The following CPNE4 variants were observed in gnomAD, a reference collection of about 807,000 sequenced individuals.
CPNE4 encodes copine-4.
In CPNE4, 25 loss-of-function variants were observed where a neutral mutation model predicts 67.9. The ratio of observed to expected loss-of-function variants is 0.37; its 90% CI spans 0.27 to 0.51. The LOEUF (loss-of-function observed/expected upper bound fraction) is 0.51. Ranked by LOEUF, CPNE4 falls within the 20% of genes least tolerant of loss-of-function variation. The pLI is 0.93. For missense variants in CPNE4, 464 were observed against 690.8 expected (o/e 0.67, Z 3.68); for synonymous variants, 242 against 244.9 (o/e 0.99, Z 0.11).
intron 2 of CPNE4, among the ~76,000 whole-genome samples, chr3:131,898,782 A>G (rs1226029650): frequency 6.6e-6 from 1 of 152,074 alleles, no homozygotes; most frequent in Admixed American, 6.6e-5. Context: ...TTTCTTTTAT[A>G]TTCAATACTC....
At chr3:132,024,708 G>A (rs539263824) in intron 1 of CPNE4, among the ~76,000 whole-genome samples, 1 of 152,128 alleles carries the variant, frequency 6.6e-6, no homozygotes, top group African/African-American at 2.4e-5. Context: ...CACATTACAT[G>A]ATACATGATA....
intron 2 of CPNE4, among the ~76,000 whole-genome samples, chr3:131,780,449 T>C (rs937423728): frequency 1.3e-5 from 2 of 152,092 alleles, no homozygotes; most frequent in African/African-American, 2.4e-5. Context: ...AGTGGTGGAC[T>C]GGGTAAAGAA....
chr3:131,939,235 T>C (rs544917667), intron 1 of CPNE4, among the ~76,000 whole-genome samples: 4 of 152,194 alleles, frequency 2.6e-5, no homozygotes, highest in African/African-American at 7.2e-5. Flanking sequence ...AATAAGGTAA[T>C]AGTATATCCA....
intron 3 of CPNE4, among the ~76,000 whole-genome samples, chr3:131,701,191 T>C (rs984670292): frequency 3.3e-5 from 5 of 151,680 alleles, no homozygotes; most frequent in African/African-American, 1.2e-4. Flanking sequence ...CATGTATACA[T>C]ATGTAACCAA....
intron 1 of CPNE4, among the ~76,000 whole-genome samples, chr3:132,027,492 C>A (rs537831952): frequency 7.5e-6 from 1 of 132,624 alleles, no homozygotes; most frequent in Non-Finnish European, 1.6e-5. Context: ...ACTATTTCCA[C>A]TCTTTTCCTC....
chr3:131,750,145 T>C (rs2082589514), intron 2 of CPNE4, among the ~76,000 whole-genome samples: 1 of 152,196 alleles, frequency 6.6e-6, no homozygotes, highest in South Asian at 2.1e-4. Context: ...TATATGAATT[T>C]GGAAATTAAA....
intron 3 of CPNE4, among the ~76,000 whole-genome samples, chr3:131,708,042 C>T (rs2081456987): frequency 6.6e-6 from 1 of 151,836 alleles, no homozygotes. Context: ...CTTTTCTCTC[C>T]CATTCAATAA....
intron 2 of CPNE4, among the ~76,000 whole-genome samples, chr3:131,745,467 C>T (rs1327847789): frequency 4.6e-5 from 7 of 152,076 alleles, no homozygotes; most frequent in Admixed American, 1.3e-4. Flanking sequence ...TTATGCTGCA[C>T]GTGTCAAGTC....
intron 2 of CPNE4, among the ~76,000 whole-genome samples, chr3:131,879,609 A>G (rs1442144179): frequency 6.6e-6 from 1 of 152,146 alleles, no homozygotes; most frequent in Non-Finnish European, 1.5e-5. Context: ...TCCATAATTC[A>G]AAGCCCATCG....
chr3:131,571,859 C>A (rs1352819168), intron 10 of CPNE4, among the ~76,000 whole-genome samples: 2 of 152,032 alleles, frequency 1.3e-5, no homozygotes, highest in African/African-American at 4.8e-5. Context: ...CAAACTGCTT[C>A]CCCAATACTC....
At chr3:132,021,611 T>C (rs1435193230) in intron 1 of CPNE4, among the ~76,000 whole-genome samples, 1 of 152,190 alleles carries the variant, frequency 6.6e-6, no homozygotes, top group Non-Finnish European at 1.5e-5. Context: ...CAAAACTTTA[T>C]TTATGAAAAA....
At chr3:131,812,267 A>G (rs2084563889) in intron 2 of CPNE4, among the ~76,000 whole-genome samples, 1 of 152,024 alleles carries the variant, frequency 6.6e-6, no homozygotes, top group Non-Finnish European at 1.5e-5. Context: ...AACTCTTTTA[A>G]AGAATCAATA....
rs148650308 is a variant in CPNE4, at chr3:131,795,611, A to G, written c.181-71986T>C. ...GCATTTCTTCCTGATAAGAGACCAC[A>G]GACTATGAAGTGGTTCTGGCCAGTC... On this transcript the variant is annotated intron_variant, in intron 2 of 15. Coordinates refer to ENST00000429747, the MANE Select transcript of CPNE4 (RefSeq NM_130808.3). Among the ~76,000 whole-genome samples the G allele has an allele frequency of 1.2e-3, 181 of 152,314 alleles. 1 individual carries two copies. The highest frequency in any genetic ancestry group is 4.3e-3 in the African/African-American group (177 of 41,568).
chr3:131,977,612 G>A (rs2072697810), intron 1 of CPNE4, among the ~76,000 whole-genome samples: 1 of 151,664 alleles, frequency 6.6e-6, no homozygotes, highest in Admixed American at 6.6e-5. Flanking sequence ...CCACTGCTAT[G>A]GTATTCAGTT....
At chr3:131,681,769 C>G (rs1453725676) in intron 6 of CPNE4, among the ~76,000 whole-genome samples, 3 of 151,896 alleles carry the variant, frequency 2.0e-5, no homozygotes, top group African/African-American at 4.8e-5. Flanking sequence ...TTAGATTTGT[C>G]CTTTTGAGGC....
At chr3:131,691,151 TCTTAAAG>T (rs1306209869) in intron 5 of CPNE4, among the ~76,000 whole-genome samples, 1 of 152,162 alleles carries the variant, frequency 6.6e-6, no homozygotes, top group Non-Finnish European at 1.5e-5. Context: ...TTTGGAGATT[TCTTAAAG>T]AGCTTAAAAC....
intron 2 of CPNE4, among the ~76,000 whole-genome samples, chr3:131,881,764 A>G (rs2107718914): frequency 6.6e-6 from 1 of 152,320 alleles, no homozygotes; most frequent in Non-Finnish European, 1.5e-5. Context: ...GAAAAAGGGA[A>G]AAAACAATTG....
chr3:131,838,816 C>A (rs1262063014), intron 2 of CPNE4, among the ~76,000 whole-genome samples: 1 of 151,286 alleles, frequency 6.6e-6, no homozygotes, highest in Non-Finnish European at 1.5e-5. Flanking sequence ...TATTCGTATA[C>A]ATGAATATGT....
chr3:131,677,101 T>G (rs1311810890), intron 6 of CPNE4, among the ~76,000 whole-genome samples: 2 of 151,972 alleles, frequency 1.3e-5, no homozygotes, highest in African/African-American at 4.8e-5. Context: ...TATCTCATTG[T>G]GGTTTTAATT....
Sources: allele counts gnomAD v4.1 joint callset (sites outside exome capture counted in the v4.1 genomes callset), GRCh38; gene constraint gnomAD v4.1.1; transcripts MANE v1.5; gene names NCBI Gene and HGNC (gene_info 2026-07-23, HGNC 2026-07-21).